The following LRP11 variants were observed in gnomAD, a reference collection of about 807,000 sequenced individuals.
The protein encoded by LRP11 is LDL receptor related protein 11.
Under a neutral mutation model 43.1 loss-of-function variants are expected in LRP11, and 25 were observed. The observed-to-expected ratio is 0.58, with a 90% CI of 0.42 to 0.81. The LOEUF (loss-of-function observed/expected upper bound fraction) is 0.81, where lower values mean the gene tolerates loss of function less well. LRP11 is among the 30% of genes least tolerant of loss of function. The probability of loss-of-function intolerance (pLI) is 0.00; values close to 1 mark genes in which losing one functional copy is unlikely to be tolerated. For synonymous variants in LRP11, 316 were observed against 299.4 expected, an observed-to-expected ratio of 1.06 and a Z score of -0.57; for missense variants, 623 against 665.1, an observed-to-expected ratio of 0.94 and a Z score of 0.70.
intron 2 of LRP11, among the ~76,000 whole-genome samples, chr6:149,847,990 T>C (rs1776664699): frequency 6.6e-6 from 1 of 152,132 alleles, no homozygotes; most frequent in Non-Finnish European, 1.5e-5. Flanking sequence ...AAGTTGTTGG[T>C]TTAAATAATG....
In LRP11 at chr6:149,863,567, CG is replaced by C; in HGVS notation, c.453del (p.Ala152ArgfsTer78). The C allele has an allele frequency of 7.2e-7, 1 of 1,380,608 alleles. No homozygotes were observed. The highest frequency in any genetic ancestry group is 3.4e-5 in the Admixed American group (1 of 29,212). The allele number at this position is 1,380,608 out of a possible 1,614,324, so 85.5% of individuals were successfully genotyped here. A position where few individuals can be genotyped will look rare whatever the true frequency, so the allele number is the denominator to read the frequency against. On this transcript the variant is annotated frameshift_variant, in exon 1 of 7. Transcript: ENST00000239367. LOFTEE classifies it high-confidence loss of function. ...CAGCCGAGCACGGCTGCCGGGGGCG[CG>C]GGGCGCCGGGGCAGCTCCACCACGG... ...SVAVVELPRR[P>X]APPAAVLGCY...
chr6:149,859,328 G>A (rs1776849479), intron 1 of LRP11, among the ~76,000 whole-genome samples: 1 of 143,596 alleles, frequency 7.0e-6, no homozygotes, highest in South Asian at 2.3e-4. Flanking sequence ...CTTCTGGGAA[G>A]TGTCTGCTCA....
intron 2 of LRP11, among the ~76,000 whole-genome samples, chr6:149,845,831 G>A (rs749831769): frequency 6.6e-6 from 1 of 151,958 alleles, no homozygotes. Context: ...AAATAAGAGT[G>A]AAAACAAGAC....
At chr6:149,852,521 C>T (rs1470397819) in intron 2 of LRP11, 1 of 152,248 alleles carries the variant, frequency 6.6e-6, no homozygotes, top group Non-Finnish European at 1.5e-5. Context: ...TGCTGGCCTC[C>T]CTCCCTCACA....
intron 2 of LRP11, among the ~76,000 whole-genome samples, chr6:149,848,666 G>A (rs931400804): frequency 1.3e-5 from 2 of 152,072 alleles, no homozygotes; most frequent in African/African-American, 4.8e-5. Flanking sequence ...ACTTATAAGT[G>A]GGAGCTAAAT....
chr6:149,828,790 T>C (rs1443290774), intron 5 of LRP11, among the ~76,000 whole-genome samples: 2 of 152,158 alleles, frequency 1.3e-5, no homozygotes, highest in Non-Finnish European at 2.9e-5. Context: ...GCACCTGACC[T>C]AAAAATATGA....
intron 2 of LRP11, among the ~76,000 whole-genome samples, chr6:149,850,501 T>C (rs1776702581): frequency 6.6e-6 from 1 of 152,134 alleles, no homozygotes; most frequent in South Asian, 2.1e-4. Context: ...AGGGAACCAA[T>C]AAGGTGTTCA....
intron 6 of LRP11, among the ~76,000 whole-genome samples, chr6:149,825,628 AG>A (rs1776328257): frequency 6.6e-6 from 1 of 151,800 alleles, no homozygotes; most frequent in African/African-American, 2.4e-5. Context: ...AGCCTGCTCA[AG>A]GTCATACAGT....
intron 1 of LRP11, among the ~76,000 whole-genome samples, chr6:149,856,831 A>G (rs1489597333): frequency 6.6e-6 from 1 of 152,160 alleles, no homozygotes; most frequent in East Asian, 1.9e-4. Context: ...GTGGGAACGA[A>G]TGGTATAGCT....
At chr6:149,849,809 C>G (rs1208857488) in intron 2 of LRP11, among the ~76,000 whole-genome samples, 1 of 152,110 alleles carries the variant, frequency 6.6e-6, no homozygotes, top group Non-Finnish European at 1.5e-5. Flanking sequence ...GTGCCTAGTA[C>G]AGTACTGGAC....
chr6:149,820,499 T>C lies in LRP11; in HGVS notation c.*50A>G. The C allele has an allele frequency of 1.3e-6, 1 of 741,376 alleles. No individual in the cohort carries two copies. The highest frequency in any genetic ancestry group is 2.5e-6 in the Non-Finnish European group (1 of 399,286). 45.9% of individuals were successfully genotyped at this position (741,376 alleles called of 1,614,324 possible). ...AAATATCCAGAACTTAATAGATGTA[T>C]AAATTATAAACAAAACATGTCCCTG... On this transcript the variant is annotated 3_prime_UTR_variant, in exon 7 of 7. Coordinates refer to ENST00000239367, the MANE Select transcript of LRP11 (RefSeq NM_032832.6).
At chr6:149,828,131 C>T (rs758652339) in intron 5 of LRP11, among the ~76,000 whole-genome samples, 1 of 151,322 alleles carries the variant, frequency 6.6e-6, no homozygotes, top group Non-Finnish European at 1.5e-5. Context: ...GCGGAGGGTG[C>T]AGTGAGCCAA....
chr6:149,835,944 C>T, intron 5 of LRP11, 141 bp downstream of exon 5: 1 of 745,790 alleles, frequency 1.3e-6, no homozygotes, highest in Non-Finnish European at 2.2e-6. Flanking sequence ...AGATTTCCCC[C>T]CGCCTTTCTG....
chr6:149,838,300 T>C (rs1201669738), intron 3 of LRP11, among the ~76,000 whole-genome samples: 1 of 152,180 alleles, frequency 6.6e-6, no homozygotes, highest in Non-Finnish European at 1.5e-5. Flanking sequence ...GTTTTTACTA[T>C]TGAATCCTAT....
intron 1 of LRP11, among the ~76,000 whole-genome samples, chr6:149,862,046 GC>G (rs956784404): frequency 6.6e-5 from 10 of 152,188 alleles, no homozygotes; most frequent in African/African-American, 2.4e-4. Flanking sequence ...GCCGTGGTGG[GC>G]CTCAGAGATG....
intron 2 of LRP11, among the ~76,000 whole-genome samples, chr6:149,843,852 C>A (rs564521640): frequency 6.6e-6 from 1 of 152,292 alleles, no homozygotes; most frequent in South Asian, 2.1e-4. Flanking sequence ...CTTCGCCCAC[C>A]CAATGTAGCT....
chr6:149,842,684 C>G (rs1776566637), intron 3 of LRP11: 1 of 1,550,888 alleles, frequency 6.4e-7, no homozygotes, highest in Non-Finnish European at 8.7e-7. Flanking sequence ...CATCTGTAAA[C>G]AAAGTCCTCT....
intron 3 of LRP11, among the ~76,000 whole-genome samples, chr6:149,839,241 A>G (rs1776514154): frequency 6.6e-6 from 1 of 152,082 alleles, no homozygotes; most frequent in African/African-American, 2.4e-5. Context: ...GAGGTTGGAA[A>G]AGGAGTCTAT....
intron 1 of LRP11, among the ~76,000 whole-genome samples, chr6:149,858,151 T>A (rs9478994): frequency 0.16 from 23,929 of 152,202 alleles, 5,513 homozygotes; most frequent in African/African-American, 0.51. Flanking sequence ...TGCTGCCCCC[T>A]TCAACTCGTC....
Sources: gnomAD v4.1 joint callset for allele counts (sites outside exome capture counted in the v4.1 genomes callset) on GRCh38, gnomAD v4.1.1 for gene constraint, MANE v1.5 for transcripts, NCBI Gene and HGNC (gene_info 2026-07-23, HGNC 2026-07-21) for gene names.